Variants in LAMA1 observed in about 807,000 individuals in gnomAD.
LAMA1 encodes the protein laminin subunit alpha-1.
Under a neutral mutation model 348.7 loss-of-function variants are expected in LAMA1, and 219 were observed. The ratio of observed to expected loss-of-function variants is 0.63; its 90% confidence interval spans 0.56 to 0.70. The LOEUF (loss-of-function observed/expected upper bound fraction) is 0.70, where lower values mean the gene tolerates loss of function less well. LAMA1 is among the 30% of genes least tolerant of loss of function. The pLI is 0.00. For missense variants in LAMA1, 3,744 were observed against 3,888.0 expected, an observed-to-expected ratio of 0.96 and a Z score of 0.99; for synonymous variants, 1,487 against 1,491.0, an observed-to-expected ratio of 1.00 and a Z score of 0.06.
rs144702457 is a variant in LAMA1, at chr18:6,965,320, T to A, written c.7163A>T (p.Tyr2388Phe). ...CCGGTTTCGCTGGAAGGCAATTTTG[T>A]ACCAGGTTCCATTGTTATAACGTCT... is the stretch of plus-strand genomic sequence containing the variant. ...TDRRYNNGTW[Y>F]KIAFQRNRKQ... Residue 2388 changes from tyrosine (Y) to phenylalanine (F), a missense_variant, in exon 50 of 63, where the codon TAC becomes TTC. Transcript: ENST00000389658. The A allele has an allele frequency of 1.8e-5, 29 of 1,614,110 alleles. No individual in the cohort carries two copies. In the South Asian group the frequency reaches 3.0e-4, roughly 16 times the overall value.
At chr18:7,004,149 C>T (rs2057821226) in intron 29 of LAMA1, among the ~76,000 whole-genome samples, 1 of 152,086 alleles carries the variant, frequency 6.6e-6, no homozygotes, top group South Asian at 2.1e-4. Flanking sequence ...AAACAAGGAC[C>T]CCCTAATGAG....
intron 41 of LAMA1, among the ~76,000 whole-genome samples, chr18:6,982,050 A>G (rs1025619810): frequency 6.6e-6 from 1 of 152,180 alleles, no homozygotes; most frequent in Non-Finnish European, 1.5e-5. Flanking sequence ...GATTTAATTT[A>G]ATGATTATTA....
chr18:6,951,865 C>CA (rs1298861239), intron 57 of LAMA1, among the ~76,000 whole-genome samples: 1 of 152,182 alleles, frequency 6.6e-6, no homozygotes, highest in African/African-American at 2.4e-5. Context: ...GGGCCTTGGG[C>CA]AACCAGGTGA....
chr18:7,086,687 T>C (rs1226505747), intron 1 of LAMA1, among the ~76,000 whole-genome samples: 1 of 152,076 alleles, frequency 6.6e-6, no homozygotes, highest in African/African-American at 2.4e-5. Context: ...AGTGGAAGAA[T>C]GAGTAAGTGA....
intron 1 of LAMA1, among the ~76,000 whole-genome samples, chr18:7,105,544 C>A (rs1182527840): frequency 2.0e-5 from 3 of 152,074 alleles, no homozygotes; most frequent in African/African-American, 7.2e-5. Context: ...CTGGAGTCGC[C>A]AGACATGAGA....
chr18:7,024,843 G>A (rs1017454443), intron 17 of LAMA1, among the ~76,000 whole-genome samples: 3 of 152,156 alleles, frequency 2.0e-5, no homozygotes, highest in African/African-American at 7.2e-5. Flanking sequence ...TCCCCAGCTC[G>A]GGTTCCCTGG....
chr18:7,097,499 CTTTT>C (rs10566387), intron 1 of LAMA1, among the ~76,000 whole-genome samples: 3 of 109,898 alleles, frequency 2.7e-5, no homozygotes, highest in Admixed American at 9.6e-5. Context: ...TCTCAGCTGG[CTTTT>C]TTTTTTTTTT....
chr18:7,030,476 T>G (rs1023399786), intron 16 of LAMA1, among the ~76,000 whole-genome samples: 1 of 145,606 alleles, frequency 6.9e-6, no homozygotes, highest in Non-Finnish European at 1.5e-5. Context: ...ACTGATGAAA[T>G]CAGAATGTGG....
chr18:7,056,939 T>A (rs2058084477), intron 3 of LAMA1, among the ~76,000 whole-genome samples: 2 of 151,944 alleles, frequency 1.3e-5, no homozygotes, highest in African/African-American at 4.8e-5. Context: ...TGGCATGATC[T>A]TGGCTCACTG....
At chr18:6,943,450 T>TC in intron 61 of LAMA1, 48 bp from the exon 62 acceptor site, 1 of 1,437,264 alleles carries the variant, frequency 7.0e-7, no homozygotes, top group Non-Finnish European at 9.8e-7. Flanking sequence ...AGGAACACAG[T>TC]CCATTTGTAT....
chr18:7,107,561 C>T (rs978817645), intron 1 of LAMA1, among the ~76,000 whole-genome samples: 2 of 152,140 alleles, frequency 1.3e-5, no homozygotes, highest in African/African-American at 4.8e-5. Context: ...TTTGAACATC[C>T]TTGACCCAGG....
chr18:6,967,239 T>C (rs1294635667), intron 48 of LAMA1, among the ~76,000 whole-genome samples: 1 of 152,244 alleles, frequency 6.6e-6, no homozygotes, highest in African/African-American at 2.4e-5. Flanking sequence ...CTCTTGCTTT[T>C]TCAAAAATTT....
At chr18:7,050,185 A>G (rs1042599906) in intron 4 of LAMA1, among the ~76,000 whole-genome samples, 7 of 152,206 alleles carry the variant, frequency 4.6e-5, no homozygotes, top group African/African-American at 1.7e-4. Flanking sequence ...TGTGAAGAGC[A>G]CTGGAGAATT....
chr18:6,971,868 C>T lies in LAMA1; in HGVS notation c.6888G>A (p.Gly2296=), dbSNP rs200503156. Residue 2296 remains glycine, a synonymous_variant, in exon 48 of 63, where the codon GGG becomes GGA. Coordinates refer to ENST00000389658, the MANE Select transcript of LAMA1 (RefSeq NM_005559.4). ...TGACGACATCTTACCTTCCGAAGCA[C>T]CCACGGCACTTGCCTTCCCTTTCAA... ...NYIEREGKCR[G]CFGSSQNEDP... is the part of the protein sequence containing the mutation. 26 of 1,614,118 alleles carry T rather than the reference C, an allele frequency of 1.6e-5. No individual in the cohort carries two copies. In the Admixed American group the frequency reaches 2.3e-4, roughly 14 times the overall value.
At chr18:7,082,225 A>C (rs2143786163) in intron 1 of LAMA1, among the ~76,000 whole-genome samples, 1 of 152,346 alleles carries the variant, frequency 6.6e-6, no homozygotes, top group East Asian at 1.9e-4. Context: ...ATAGTTATTT[A>C]ATATTTGTAC....
chr18:6,946,625 A>G (rs1291898457), intron 61 of LAMA1, among the ~76,000 whole-genome samples: 1 of 152,140 alleles, frequency 6.6e-6, no homozygotes, highest in Non-Finnish European at 1.5e-5. Flanking sequence ...AGGCTGAGGC[A>G]GGAGAATCAC....
At chr18:6,959,965 A>G (rs961718274) in intron 53 of LAMA1, 63 of 252,526 alleles carry the variant, frequency 2.5e-4, no homozygotes, top group Middle Eastern at 1.6e-3. Flanking sequence ...CATTGAAAAG[A>G]GGTAGTTTAT....
At chr18:7,079,692 A>G (rs1212648134) in intron 3 of LAMA1, 5 of 460,754 alleles carry the variant, frequency 1.1e-5, no homozygotes, top group Middle Eastern at 6.4e-4. Flanking sequence ...ACAGCCTGAC[A>G]TGATACCCTG....
At chr18:7,038,770 C>T (rs2058007464) in intron 11 of LAMA1, 40 bp downstream of exon 11, 3 of 1,609,760 alleles carry the variant, frequency 1.9e-6, no homozygotes, top group Non-Finnish European at 2.5e-6. Flanking sequence ...TGCAATACGA[C>T]CTGCTCATTA....
Sources: allele counts gnomAD v4.1 joint callset (sites outside exome capture counted in the v4.1 genomes callset), GRCh38; gene constraint gnomAD v4.1.1; transcripts MANE v1.5; gene names NCBI Gene and HGNC (gene_info 2026-07-23, HGNC 2026-07-21).